SNX8: variants seen among roughly 807,000 people sequenced by gnomAD.
The protein encoded by SNX8 is sorting nexin 8.
Under a neutral mutation model 51.6 loss-of-function variants are expected in SNX8, and 25 were observed. That is an observed-to-expected ratio of 0.48 (90% CI 0.35 to 0.68). The LOEUF (loss-of-function observed/expected upper bound fraction) is 0.68. Among genes scored for constraint, SNX8 ranks in the 30% least tolerant of loss-of-function variants. The pLI is 0.00. For missense variants in SNX8, 695 were observed against 624.0 expected (o/e 1.11, Z -1.21); for synonymous variants, 324 against 277.0 (o/e 1.17, Z -1.68).
At chr7:2,297,614 A>G (rs1796302380) in intron 1 of SNX8, among the ~76,000 whole-genome samples, 1 of 150,660 alleles carries the variant, frequency 6.6e-6, no homozygotes, top group Admixed American at 6.7e-5. Context: ...CACAATTCAC[A>G]GTTGCAAAGA....
intron 5 of SNX8, among the ~76,000 whole-genome samples, chr7:2,265,426 T>C (rs1229863478): frequency 6.6e-6 from 1 of 152,110 alleles, no homozygotes; most frequent in Non-Finnish European, 1.5e-5. Context: ...AGAGGATTGC[T>C]AGAGCCTGGG....
upstream of SNX8, among the ~76,000 whole-genome samples, chr7:2,317,096 G>A (rs558026850): frequency 4.3e-4 from 65 of 152,036 alleles, no homozygotes; most frequent in African/African-American, 1.5e-3. Flanking sequence ...TAGGGCTGGA[G>A]GAATAAGGAG....
At chr7:2,348,594 G>A (rs979101678) in intron 1 of SNX8, among the ~76,000 whole-genome samples, 3 of 151,580 alleles carry the variant, frequency 2.0e-5, no homozygotes, top group African/African-American at 7.3e-5. Flanking sequence ...ACCCGCCTCA[G>A]CCTCCCAAAG....
At chr7:2,327,413 T>A (rs548553247) in intron 1 of SNX8, among the ~76,000 whole-genome samples, 19 of 148,054 alleles carry the variant, frequency 1.3e-4, no homozygotes, top group Admixed American at 2.7e-4. Context: ...CTAATTTTTT[T>A]ATTTTTTTTT....
chr7:2,265,344 A>G (rs930981838), intron 5 of SNX8, among the ~76,000 whole-genome samples: 3 of 152,140 alleles, frequency 2.0e-5, no homozygotes, highest in African/African-American at 7.2e-5. Context: ...CGTCTCAAAA[A>G]CTAACAATAC....
chr7:2,310,025 G>A, intron 1 of SNX8: 1 of 378,272 alleles, frequency 2.6e-6, no homozygotes, highest in Non-Finnish European at 5.4e-6. Context: ...AATGCCATGG[G>A]ATGAGCCGCA....
intron 1 of SNX8, among the ~76,000 whole-genome samples, chr7:2,324,329 C>T (rs1778590433): frequency 2.1e-5 from 3 of 145,800 alleles, no homozygotes; most frequent in Admixed American, 7.1e-5. Context: ...TTCACTGTGT[C>T]GTCCAGGCTA....
chr7:2,329,722 C>T (rs2115234094), intron 1 of SNX8, among the ~76,000 whole-genome samples: 2 of 152,174 alleles, frequency 1.3e-5, no homozygotes, highest in South Asian at 4.1e-4. Flanking sequence ...TCTGGATGCA[C>T]AACAGAGAAG....
rs900168044 is a variant in SNX8, at chr7:2,309,719, G to C, written c.94+4609C>G. ...GCACTCCAGCCTGGACAACAAGAGC[G>C]AGACTCCATCTCAAAAAAAAAAAAG... On this transcript the variant is annotated intron_variant, in intron 1 of 10. Transcript: ENST00000222990. 5.3e-5 allele frequency: 24 copies of C among 455,652 alleles called. 1 individual carries two copies. In the Middle Eastern group the frequency reaches 1.0e-3, roughly 19 times the overall value. The allele number at this position is 455,652 out of a possible 1,614,324, so 28.2% of individuals were successfully genotyped here. A position where few individuals can be genotyped will look rare whatever the true frequency, so the allele number is the denominator to read the frequency against.
upstream of SNX8, among the ~76,000 whole-genome samples, chr7:2,315,495 C>T (rs112794866): frequency 7.4e-3 from 1,064 of 143,446 alleles, 20 homozygotes; most frequent in African/African-American, 0.027. Flanking sequence ...CACTCACTTA[C>T]TGCTTCTTCA....
At position 2,254,752 on chromosome 7, in the gene SNX8, C is replaced by CT; in HGVS notation, c.*303dup. ...CTCCACGCTCCCCCAGGCACAATCT[C>CT]TGTGAGATGAGAGATCCCTGCCTCC... On this transcript the variant is annotated 3_prime_UTR_variant, in exon 11 of 11. Coordinates refer to ENST00000222990, the MANE Select transcript of SNX8 (RefSeq NM_013321.4). The CT allele has an allele frequency of 2.3e-6, 1 of 442,554 alleles. No homozygotes were observed. Among genetic ancestry groups the CT allele is most frequent in the Non-Finnish European group, 4.1e-6 (1 of 242,218 alleles). 27.4% of individuals were successfully genotyped at this position (442,554 alleles called of 1,614,324 possible).
chr7:2,338,922 A>AT (rs1778875571), intron 1 of SNX8, among the ~76,000 whole-genome samples: 1 of 151,778 alleles, frequency 6.6e-6, no homozygotes, highest in African/African-American at 2.4e-5. Flanking sequence ...ATTTCTTTTT[A>AT]TTTTTCCGAG....
chr7:2,333,247 T>C (rs1778771495), intron 1 of SNX8, among the ~76,000 whole-genome samples: 1 of 151,922 alleles, frequency 6.6e-6, no homozygotes, highest in Non-Finnish European at 1.5e-5. Flanking sequence ...CTGGCCAAGA[T>C]AGTGAGGCCC....
intron 1 of SNX8, among the ~76,000 whole-genome samples, chr7:2,350,699 T>G (rs1451896827): frequency 6.6e-6 from 1 of 152,026 alleles, no homozygotes; most frequent in African/African-American, 2.4e-5. Context: ...TAGGTTGGAG[T>G]GCAGTGGCAC....
chr7:2,336,940 C>T (rs191072221), intron 1 of SNX8, among the ~76,000 whole-genome samples: 9 of 151,222 alleles, frequency 6.0e-5, no homozygotes, highest in East Asian at 1.9e-4. Flanking sequence ...ACCCAGCAGG[C>T]GGAGGTTGCA....
chr7:2,350,792 G>T (rs548047832), intron 1 of SNX8, among the ~76,000 whole-genome samples: 1 of 151,992 alleles, frequency 6.6e-6, no homozygotes, highest in Non-Finnish European at 1.5e-5. Context: ...GATTACAGGC[G>T]CCTGCGGCCA....
intron 5 of SNX8, 32 bp downstream of exon 5, chr7:2,269,523 TAAAA>T (rs375189373): frequency 5.6e-6 from 5 of 893,648 alleles, no homozygotes; most frequent in Non-Finnish European, 7.6e-6. Flanking sequence ...AAAAATAAAT[TAAAA>T]AAAAAAAAAA....
intron 1 of SNX8, among the ~76,000 whole-genome samples, chr7:2,329,421 AG>A (rs1219631224): frequency 6.6e-6 from 1 of 152,182 alleles, no homozygotes; most frequent in Non-Finnish European, 1.5e-5. Context: ...GTCGGCACAC[AG>A]TTGTGGTGTT....
intron 1 of SNX8, among the ~76,000 whole-genome samples, chr7:2,344,611 CA>C (rs11370817): frequency 3.4e-4 from 46 of 134,260 alleles, no homozygotes; most frequent in Non-Finnish European, 3.3e-4. Flanking sequence ...GACTCCAACT[CA>C]AAAAAAAAAA....
Sources: allele counts gnomAD v4.1 joint callset (sites outside exome capture counted in the v4.1 genomes callset), GRCh38; gene constraint gnomAD v4.1.1; transcripts MANE v1.5; gene names NCBI Gene and HGNC (gene_info 2026-07-23, HGNC 2026-07-21).